The following DCSTAMP variants were observed in gnomAD, a reference collection of about 807,000 sequenced individuals.
DCSTAMP encodes dendrocyte expressed seven transmembrane protein, also known as dendritic cell-specific transmembrane protein.
In DCSTAMP, 25 loss-of-function variants were observed where a neutral mutation model predicts 33.8. The ratio of observed to expected loss-of-function variants is 0.74; its 90% CI spans 0.54 to 1.03. DCSTAMP has a LOEUF of 1.03. DCSTAMP is among the 50% of genes least tolerant of loss of function. The pLI is 0.00. For synonymous variants in DCSTAMP, 245 were observed against 216.7 expected, an observed-to-expected ratio of 1.13 and a Z score of -1.15; for missense variants, 531 against 556.8, an observed-to-expected ratio of 0.95 and a Z score of 0.47.
At position 104,355,168 on chromosome 8, in the gene DCSTAMP, A is replaced by G; in HGVS notation, c.1321A>G (p.Ser441Gly). ...GCTGGGAGAAGTCAAAAGACGGCTG[A>G]GTCTCTATCTTACAAAGGTAAGGCC... ...QPLGEVKRRL[S>G]LYLTKIHFWL... Residue 441 changes from serine to glycine, a missense_variant, in exon 3 of 4, where the codon AGT (serine) becomes GGT (glycine). Ser to Gly is a moderately conservative substitution (Grantham distance 56). Transcript: ENST00000297581. 1.2e-6 allele frequency: 2 copies of G among 1,613,262 alleles called. No individual in the cohort carries two copies. The highest frequency in any genetic ancestry group is 1.7e-6 in the Non-Finnish European group (2 of 1,179,730).
At chr8:104,344,702 A>G (rs1229133957) in intron 1 of DCSTAMP, among the ~76,000 whole-genome samples, 1 of 152,182 alleles carries the variant, frequency 6.6e-6, no homozygotes, top group Non-Finnish European at 1.5e-5. Context: ...CAAAAAAGAA[A>G]ATTTATGAAT....
intron 3 of DCSTAMP, 47 bp from the exon 4 acceptor site, chr8:104,356,077 A>G (rs1338145148): frequency 6.4e-7 from 1 of 1,554,312 alleles, no homozygotes; most frequent in African/African-American, 1.4e-5. Context: ...GGCATTTAAA[A>G]TGACTCCAAC....
At position 104,349,225 on chromosome 8, in the gene DCSTAMP, C is replaced by T. The variant is rs1340996275; in HGVS notation, c.673C>T (p.Leu225Phe). The T allele has an allele frequency of 1.2e-6, 2 of 1,614,214 alleles. No individual in the cohort carries two copies. The highest frequency in any genetic ancestry group is 2.2e-5 in the South Asian group (2 of 91,086). ...LAFAGLSLVL[L>F]GTGLFMKRFL... ...CTTTGCAGGGCTTTCGCTCGTCCTG[C>T]TTGGCACTGGCCTCTTCATGAAGCG... The change falls in exon 2 of 4, where the codon CTT (leucine) becomes TTT (phenylalanine). Residue 225 changes from leucine (L) to phenylalanine (F), a missense_variant. Leu to Phe is a conservative substitution (Grantham distance 22). Transcript: ENST00000297581.
chr8:104,340,305 G>T (rs759482526), intron 1 of DCSTAMP: 3 of 152,208 alleles, frequency 2.0e-5, no homozygotes, highest in Admixed American at 6.5e-5. Flanking sequence ...CACAGAGGAA[G>T]GCATTTGCTG....
At chr8:104,344,267 T>A (rs1293743915) in intron 1 of DCSTAMP, among the ~76,000 whole-genome samples, 1 of 152,132 alleles carries the variant, frequency 6.6e-6, no homozygotes, top group Non-Finnish European at 1.5e-5. Context: ...TATTTAATCT[T>A]AATTTAAATG....
chr8:104,355,200 G>T lies in DCSTAMP; in HGVS notation c.1338+15G>T. The T allele has an allele frequency of 1.3e-6, 2 of 1,598,118 alleles. No individual in the cohort carries two copies. Among genetic ancestry groups the T allele is most frequent in the South Asian group, 2.3e-5 (2 of 88,314 alleles). ...ATCTTACAAAGGTAAGGCCAAGATG[G>T]TGGTGTAACCTCCAATTGAGGAAGT... On this transcript the variant is annotated intron_variant, in intron 3 of 3. Coordinates refer to ENST00000297581, the MANE Select transcript of DCSTAMP (RefSeq NM_030788.4).
At position 104,350,891 on chromosome 8, in the gene DCSTAMP, G is replaced by C. The variant is rs1467844958; in HGVS notation, c.1029+1310G>C. On this transcript the variant is annotated intron_variant, in intron 2 of 3. Transcript: ENST00000297581. ...CTGTTTTAATTGGACTGCGGCGAGA[G>C]ATTTTTAAAACCTCCCAGAGTAATT... Among the ~76,000 whole-genome samples, 6 of 152,322 alleles carry C rather than the reference G, an allele frequency of 3.9e-5. No homozygotes were observed. In the South Asian group the frequency reaches 1.2e-3, roughly 32 times the overall value.
intron 1 of DCSTAMP, among the ~76,000 whole-genome samples, chr8:104,340,760 T>C (rs1239648359): frequency 6.6e-6 from 1 of 152,212 alleles, no homozygotes; most frequent in East Asian, 1.9e-4. Context: ...TTGGCGCTCT[T>C]TTCCTGTTCT....
At chr8:104,350,286 C>T (rs1810424639) in intron 2 of DCSTAMP, among the ~76,000 whole-genome samples, 1 of 152,150 alleles carries the variant, frequency 6.6e-6, no homozygotes, top group Non-Finnish European at 1.5e-5. Context: ...GATTCCCAAG[C>T]AGGACTATCC....
rs370773483 is a variant in DCSTAMP, at chr8:104,354,967, T to A, written c.1120T>A (p.Ser374Thr). Residue 374 changes from serine (S) to threonine (T), a missense_variant, in exon 3 of 4, where the codon TCT (serine) becomes ACT (threonine). By Grantham distance (58) the Ser-to-Thr change is moderately conservative (BLOSUM62 1). Transcript: ENST00000297581. ...NCIPKPKFLL[S>T]ETWVPLSVIL... is the part of the protein sequence containing the mutation. ...TATCCCAAAACCAAAATTCCTTCTATCTGAGACCTGGGTTCCTCTCAGTGT... is the reference window on the plus strand; with the variant it reads ...TATCCCAAAACCAAAATTCCTTCTAACTGAGACCTGGGTTCCTCTCAGTGT... 36 of 1,613,756 alleles carry A rather than the reference T, an allele frequency of 2.2e-5. No individual in the cohort carries two copies. Among genetic ancestry groups the A allele is most frequent in the Non-Finnish European group, 2.6e-5 (31 of 1,179,724 alleles).
chr8:104,347,082 A>T (rs1810333828), intron 1 of DCSTAMP, among the ~76,000 whole-genome samples: 1 of 150,368 alleles, frequency 6.7e-6, no homozygotes, highest in African/African-American at 2.4e-5. Flanking sequence ...AGAGAATATC[A>T]AATTTATTTT....
intron 1 of DCSTAMP, among the ~76,000 whole-genome samples, chr8:104,346,260 C>G (rs991954110): frequency 7.9e-5 from 12 of 152,248 alleles, no homozygotes; most frequent in African/African-American, 2.4e-4. Context: ...GGTTTGGGGT[C>G]AAACCCAAAG....
At chr8:104,356,098 AT>A in intron 3 of DCSTAMP, 25 bp from the exon 4 acceptor site, 1 of 1,602,298 alleles carries the variant, frequency 6.2e-7, no homozygotes, top group South Asian at 1.1e-5. Context: ...TCCAATGCCC[AT>A]TTATCCACTT....
At chr8:104,345,358 G>C (rs545130799) in intron 1 of DCSTAMP, among the ~76,000 whole-genome samples, 2 of 152,268 alleles carry the variant, frequency 1.3e-5, no homozygotes, top group African/African-American at 4.8e-5. Context: ...CAAAAGGGCA[G>C]ACTGGAACAT....
chr8:104,344,544 C>A (rs1810245089), intron 1 of DCSTAMP, among the ~76,000 whole-genome samples: 1 of 152,106 alleles, frequency 6.6e-6, no homozygotes, highest in African/African-American at 2.4e-5. Context: ...ACGAGAGCAG[C>A]TTCAGCAGCA....
intron 1 of DCSTAMP, among the ~76,000 whole-genome samples, chr8:104,347,569 G>T (rs188451396): frequency 7.9e-5 from 12 of 152,336 alleles, no homozygotes; most frequent in African/African-American, 2.6e-4. Flanking sequence ...GACCAGTACA[G>T]AATTCAGTGG....
At chr8:104,349,644 A>G in intron 2 of DCSTAMP, 63 bp downstream of exon 2, 1 of 1,532,330 alleles carries the variant, frequency 6.5e-7, no homozygotes, top group South Asian at 1.3e-5. Flanking sequence ...CTTGCAAAAG[A>G]TCATGAACCT....
chr8:104,351,188 C>T (rs1191426344), intron 2 of DCSTAMP, among the ~76,000 whole-genome samples: 1 of 149,734 alleles, frequency 6.7e-6, no homozygotes, highest in Non-Finnish European at 1.5e-5. Context: ...TTTCCATTTT[C>T]TCTGTGGATA....
At chr8:104,354,783 A>G in intron 2 of DCSTAMP, 94 bp from the exon 3 acceptor site, 1 of 778,182 alleles carries the variant, frequency 1.3e-6, no homozygotes, top group Non-Finnish European at 2.1e-6. Context: ...GTATATTTGA[A>G]GATAGTGCCA....
Sources: allele counts gnomAD v4.1 joint callset (sites outside exome capture counted in the v4.1 genomes callset), GRCh38; gene constraint gnomAD v4.1.1; transcripts MANE v1.5; gene names NCBI Gene and HGNC (gene_info 2026-07-23, HGNC 2026-07-21).